Variants in ERCC5 observed in about 807,000 individuals in gnomAD.
ERCC5 encodes ERCC excision repair 5, endonuclease, also known as DNA excision repair protein ERCC-5.
A neutral mutation model predicts 105.6 loss-of-function variants in ERCC5; 68 were observed. The observed-to-expected ratio is 0.64, with a 90% CI of 0.53 to 0.79. ERCC5 has a LOEUF of 0.79. ERCC5 is among the 30% of genes least tolerant of loss of function. The pLI is 0.00. For missense variants in ERCC5, 1,373 were observed against 1,426.7 expected, an observed-to-expected ratio of 0.96 and a Z score of 0.61; for synonymous variants, 546 against 526.2, an observed-to-expected ratio of 1.04 and a Z score of -0.51.
At chr13:102,847,723 CCCT>C in intron 1 of ERCC5, among the ~76,000 whole-genome samples, 1 of 152,198 alleles carries the variant, frequency 6.6e-6, no homozygotes, top group East Asian at 1.9e-4. Context: ...GCTGTTGCTG[CCCT>C]CAAGCTGTTG....
At chr13:102,873,691 T>A (rs987253042) in intron 14 of ERCC5, among the ~76,000 whole-genome samples, 3 of 152,212 alleles carry the variant, frequency 2.0e-5, no homozygotes, top group African/African-American at 7.2e-5. Context: ...GCAATTCTGA[T>A]CATTTAAGTT....
chr13:102,862,790 C>T lies in ERCC5; in HGVS notation c.1641C>T (p.Asn547=), dbSNP rs200615101. 5.4e-4 allele frequency: 868 copies of T among 1,614,190 alleles called. 1 individual carries two copies. Among genetic ancestry groups the T allele is most frequent in the Non-Finnish European group, 6.8e-4 (798 of 1,180,032 alleles). Residue 547 remains asparagine (N), a synonymous_variant, in exon 8 of 15, where the codon AAC becomes AAT. Transcript: ENST00000652225. ...ATGCTGAAGTGCTTGAGCAGCAGAA[C>T]GAACTTTGCCCATATGAGAGTAAAT... The part of the protein sequence containing the change: ...ETHAEVLEQQ[N]ELCPYESKFD...
rs1882641692 is a variant in ERCC5 at position 102,862,080 on chromosome 13, TC to T, written c.933del (p.Ser312AlafsTer10). 6.2e-7 allele frequency: 1 copy of T among 1,614,092 alleles called. No individual in the cohort carries two copies. The highest frequency in any genetic ancestry group is 1.3e-5 in the African/African-American group (1 of 74,926). ...AEVDSESLPSSSKMHGMSFDV... is the reference protein window; with the variant it reads ...AEVDSESLPSXSKMHGMSFDV... The stretch of plus-strand genomic sequence containing the variant: ...AGTGGATTCAGAGTCTCTTCCTTCT[TC>T]CAGCAAAATGCACGGCATGTCTTTT... On this transcript the variant is annotated frameshift_variant, in exon 8 of 15. Transcript: ENST00000652225. LOFTEE classifies it high-confidence loss of function.
At chr13:102,849,229 C>T (rs770701329) in intron 1 of ERCC5, 3 of 518,810 alleles carry the variant, frequency 5.8e-6, no homozygotes, top group South Asian at 2.8e-5. Flanking sequence ...GTGGTCTCCA[C>T]CACTACTGTC....
chr13:102,846,852 C>G (rs1017654734), intron 1 of ERCC5, among the ~76,000 whole-genome samples: 1 of 152,176 alleles, frequency 6.6e-6, no homozygotes, highest in Non-Finnish European at 1.5e-5. Context: ...GCTTTGCAGT[C>G]TTAGCGGCCT....
intron 14 of ERCC5, among the ~76,000 whole-genome samples, chr13:102,873,866 G>A (rs1243703542): frequency 6.6e-6 from 1 of 152,060 alleles, no homozygotes; most frequent in Non-Finnish European, 1.5e-5. Flanking sequence ...AGTATGTTCT[G>A]ACTCACACAA....
At chr13:102,859,631 ATTTTC>A (rs1288740240) in intron 6 of ERCC5, among the ~76,000 whole-genome samples, 1 of 152,134 alleles carries the variant, frequency 6.6e-6, no homozygotes, top group Admixed American at 6.5e-5. Context: ...ACTGTTCTTT[ATTTTC>A]TTTCTGCAAC....
At chr13:102,870,342 G>T (rs1882992107) in intron 12 of ERCC5, among the ~76,000 whole-genome samples, 1 of 152,140 alleles carries the variant, frequency 6.6e-6, no homozygotes, top group African/African-American at 2.4e-5. Flanking sequence ...TTTCTGGATA[G>T]CCCCAAAATA....
Position 102,862,270 on chromosome 13 carries a change from C to T in ERCC5, c.1121C>T (p.Ala374Val). 1 of 1,614,124 alleles carries T rather than the reference C, an allele frequency of 6.2e-7. No homozygotes were observed. Among genetic ancestry groups the T allele is most frequent in the Non-Finnish European group, 8.5e-7 (1 of 1,180,042 alleles). Residue 374 changes from alanine to valine, a missense_variant, in exon 8 of 15, where the codon GCA becomes GTA. Ala to Val is a moderately conservative substitution (Grantham distance 64). This residue lies in a region of ERCC5 where 1,004 missense variants were observed against 1,059.7 expected (regional missense o/e 0.95). Coordinates refer to ENST00000652225, the MANE Select transcript of ERCC5 (RefSeq NM_000123.4). ...ENRRQARGRN[A>V]PAAVDEGSIS... ...CGAAGGCAGGCCCGTGGGAGGAACGCACCTGCTGCTGTAGACGAAGGCTCC... is the reference window on the plus strand; with the variant it reads ...CGAAGGCAGGCCCGTGGGAGGAACGTACCTGCTGCTGTAGACGAAGGCTCC...
chr13:102,870,193 T>C (rs1384920998), intron 12 of ERCC5, among the ~76,000 whole-genome samples: 2 of 152,198 alleles, frequency 1.3e-5, no homozygotes, highest in Non-Finnish European at 2.9e-5. Flanking sequence ...TGTAGTCACA[T>C]TTGGTTTGGA....
intron 1 of ERCC5, among the ~76,000 whole-genome samples, chr13:102,851,005 T>C (rs1882180768): frequency 6.6e-6 from 1 of 152,192 alleles, no homozygotes; most frequent in Non-Finnish European, 1.5e-5. Flanking sequence ...ATAACATTTT[T>C]TGAGAAGCAC....
intron 5 of ERCC5, among the ~76,000 whole-genome samples, chr13:102,856,365 ACAAC>A (rs1222058993): frequency 7.2e-5 from 11 of 152,162 alleles, no homozygotes; most frequent in African/African-American, 2.4e-4. Context: ...TTTTTCTTTT[ACAAC>A]CAACCAACCA....
At position 102,875,680 on chromosome 13, in the gene ERCC5, T is replaced by C. The variant is rs1883195164; in HGVS notation, c.3338T>C (p.Val1113Ala). Reference protein sequence around the residue: ...EDAESSSLMNVQRRTAAKEPK... With the variant: ...EDAESSSLMNAQRRTAAKEPK... ...GCTGAAAGTTCATCTTTAATGAATG[T>C]ACAAAGGAGAACAGCTGCGAAAGAG... Residue 1113 changes from valine to alanine, a missense_variant, in exon 15 of 15, where the codon GTA becomes GCA. Physicochemically the swap from Val to Ala is moderately conservative, Grantham distance 64. Around this residue, in one of 3 missense-constraint regions of ERCC5, gnomAD observed 367 missense variants for 350.2 expected, o/e 1.05. Coordinates refer to ENST00000652225, the MANE Select transcript of ERCC5 (RefSeq NM_000123.4). 6.2e-7 allele frequency: 1 copy of C among 1,614,012 alleles called. No individual in the cohort carries two copies. Among genetic ancestry groups the C allele is most frequent in the Non-Finnish European group, 8.5e-7 (1 of 1,180,000 alleles).
chr13:102,850,756 G>A (rs758005757), intron 1 of ERCC5, among the ~76,000 whole-genome samples: 3 of 152,086 alleles, frequency 2.0e-5, no homozygotes, highest in South Asian at 4.2e-4. Flanking sequence ...GGGTAGAGAC[G>A]TCATCTGGGC....
At chr13:102,859,260 T>C (rs1359991424) in intron 6 of ERCC5, among the ~76,000 whole-genome samples, 4 of 152,230 alleles carry the variant, frequency 2.6e-5, no homozygotes, top group Admixed American at 6.5e-5. Context: ...TCGACCTTAG[T>C]GCATAGATGG....
Position 102,862,273 on chromosome 13 carries a change from C to T in ERCC5, c.1124C>T (p.Pro375Leu), listed in dbSNP as rs753203441. 3.1e-6 allele frequency: 5 copies of T among 1,614,160 alleles called. No individual in the cohort carries two copies. Among genetic ancestry groups the T allele is most frequent in the Non-Finnish European group, 4.2e-6 (5 of 1,180,052 alleles). Residue 375 changes from proline (P) to leucine (L), a missense_variant, in exon 8 of 15, where the codon CCT becomes CTT. By Grantham distance (98) the Pro-to-Leu change is moderately conservative. Transcript: ENST00000652225. ...AGGCAGGCCCGTGGGAGGAACGCAC[C>T]TGCTGCTGTAGACGAAGGCTCCATA... ...NRRQARGRNA[P>L]AAVDEGSISP...
Position 102,854,280 on chromosome 13 carries a change from C to T in ERCC5, c.381-8C>T, listed in dbSNP as rs745458251. ...CATAATCTGTTTAAAGATTTGTGTA[C>T]TTTCCAGAGATGAAGCACTACCCAG... On this transcript the variant is annotated splice_region_variant and splice_polypyrimidine_tract_variant and intron_variant, in intron 3 of 14. Coordinates refer to ENST00000652225, the MANE Select transcript of ERCC5 (RefSeq NM_000123.4). The T allele has an allele frequency of 3.1e-6, 5 of 1,614,150 alleles. No homozygotes were observed. The South Asian group carries it at 4.4e-5, about 14-fold the overall frequency.
chr13:102,866,425 C>T lies in ERCC5; in HGVS notation c.2319+44C>T, dbSNP rs4150334. ...GGTTTCCTTTACCACCTTCTTCAGA[C>T]CCCTGGGGGAATGCACTGCATGAAG... On this transcript the variant is annotated intron_variant, in intron 10 of 14. Coordinates refer to ENST00000652225, the MANE Select transcript of ERCC5 (RefSeq NM_000123.4). The T allele has an allele frequency of 3.8e-3, 6,066 of 1,613,772 alleles. 218 individuals are homozygous for T. The African/African-American group carries it at 0.072, about 19-fold the overall frequency.
At chr13:102,873,407 A>G (rs1595390771) in intron 14 of ERCC5, 64 bp downstream of exon 14, 3 of 1,577,012 alleles carry the variant, frequency 1.9e-6, no homozygotes, top group South Asian at 1.1e-5. Context: ...GACAGCTGTT[A>G]AAGACCAGTT....
Sources: gnomAD v4.1 joint callset for allele counts (sites outside exome capture counted in the v4.1 genomes callset) on GRCh38, gnomAD v4.1.1 for gene constraint, gnomAD v4.1.1 regional missense constraint, MANE v1.5 for transcripts, NCBI Gene and HGNC (gene_info 2026-07-23, HGNC 2026-07-21) for gene names.